Variants in C7orf78 observed in about 807,000 individuals in gnomAD.
The protein encoded by C7orf78 is putative uncharacterized protein C7orf78.
At chr7:12,536,644 G>A in the C7orf78 span, among the ~76,000 whole-genome samples, 1 of 152,104 alleles carries the variant, frequency 6.6e-6, no homozygotes, top group African/African-American at 2.4e-5. Flanking sequence ...CACATTGTCA[G>A]GCTGCAAATT....
chr7:12,511,725 C>T, the C7orf78 span, among the ~76,000 whole-genome samples: 1 of 151,746 alleles, frequency 6.6e-6, no homozygotes, highest in East Asian at 1.9e-4. Flanking sequence ...TGTCTTGTAA[C>T]TGAATTTGGT....
chr7:12,504,846 C>T, the C7orf78 span, among the ~76,000 whole-genome samples: 12 of 152,086 alleles, frequency 7.9e-5, no homozygotes, highest in Non-Finnish European at 1.6e-4. Context: ...ACTGTGATCA[C>T]GATAGCAGAT....
chr7:12,525,691 A>T, the C7orf78 span: 1 of 383,046 alleles, frequency 2.6e-6, no homozygotes, highest in Non-Finnish European at 4.6e-6. Context: ...CTACATTTGA[A>T]TGCCACAACA....
At chr7:12,493,581 CA>C in the C7orf78 span, among the ~76,000 whole-genome samples, 1 of 152,158 alleles carries the variant, frequency 6.6e-6, no homozygotes, top group Non-Finnish European at 1.5e-5. Context: ...TCTGGGGCCA[CA>C]CTTTGAGAAC....
At chr7:12,541,395 G>A in the C7orf78 span, 20 of 152,124 alleles carry the variant, frequency 1.3e-4, no homozygotes, top group African/African-American at 4.3e-4. Context: ...AAGGATGACT[G>A]TTATGCTGTG....
the C7orf78 span, among the ~76,000 whole-genome samples, chr7:12,525,220 AG>A: frequency 6.6e-6 from 1 of 152,228 alleles, no homozygotes; most frequent in Non-Finnish European, 1.5e-5. Context: ...TTTTGAGTAG[AG>A]ACCTTTGTGA....
the C7orf78 span, among the ~76,000 whole-genome samples, chr7:12,522,172 C>A: frequency 1.8e-4 from 27 of 152,006 alleles, no homozygotes; most frequent in Non-Finnish European, 4.0e-4. Flanking sequence ...AATTCTAGCA[C>A]AAGAGAAGGA....
the C7orf78 span, among the ~76,000 whole-genome samples, chr7:12,514,438 A>G: frequency 6.6e-6 from 1 of 151,764 alleles, no homozygotes; most frequent in Admixed American, 6.6e-5. Context: ...GTCTTTACAG[A>G]TAAGTTGAGT....
At chr7:12,497,318 T>C in the C7orf78 span, among the ~76,000 whole-genome samples, 2 of 152,076 alleles carry the variant, frequency 1.3e-5, no homozygotes, top group Non-Finnish European at 2.9e-5. Flanking sequence ...AGGTACCGGG[T>C]TCATCTCACT....
At chr7:12,534,854 T>C in the C7orf78 span, among the ~76,000 whole-genome samples, 1 of 152,022 alleles carries the variant, frequency 6.6e-6, no homozygotes, top group Non-Finnish European at 1.5e-5. Flanking sequence ...CACTAGAGGC[T>C]GAGGCGGGAG....
chr7:12,508,322 G>T, the C7orf78 span, among the ~76,000 whole-genome samples: 1 of 152,014 alleles, frequency 6.6e-6, no homozygotes, highest in African/African-American at 2.4e-5. Flanking sequence ...GCTTATTTTT[G>T]AGAAATGGCT....
At chr7:12,521,498 T>C in the C7orf78 span, among the ~76,000 whole-genome samples, 1 of 152,050 alleles carries the variant, frequency 6.6e-6, no homozygotes, top group Non-Finnish European at 1.5e-5. Flanking sequence ...TTTTGGTTAA[T>C]AAACTGCAAT....
the C7orf78 span, chr7:12,492,034 C>T: frequency 6.6e-6 from 1 of 152,134 alleles, no homozygotes. Context: ...CTATTTCTTT[C>T]CTTGATTTAG....
chr7:12,489,191 C>T, the C7orf78 span, among the ~76,000 whole-genome samples: 1 of 151,874 alleles, frequency 6.6e-6, no homozygotes, highest in African/African-American at 2.4e-5. Context: ...AAGATTACCC[C>T]AATAGTCAGT....
chr7:12,525,798 A>C, the C7orf78 span: 1 of 396,708 alleles, frequency 2.5e-6, no homozygotes, highest in Non-Finnish European at 4.4e-6. Flanking sequence ...ATAATATTGC[A>C]ATCTTTCCTT....
At chr7:12,533,837 A>G in the C7orf78 span, among the ~76,000 whole-genome samples, 1 of 152,160 alleles carries the variant, frequency 6.6e-6, no homozygotes, top group Non-Finnish European at 1.5e-5. Flanking sequence ...AAAGTTTCTT[A>G]TAGTGGTTAC....
At chr7:12,520,226 C>T in the C7orf78 span, among the ~76,000 whole-genome samples, 1 of 152,214 alleles carries the variant, frequency 6.6e-6, no homozygotes, top group South Asian at 2.1e-4. Context: ...GTGTTCTCTA[C>T]TAGATGTTTT....
the C7orf78 span, among the ~76,000 whole-genome samples, chr7:12,502,844 G>T: frequency 8.4e-6 from 1 of 119,632 alleles, no homozygotes. Context: ...AAATGTCCAA[G>T]AATGATAGAC....
the C7orf78 span, among the ~76,000 whole-genome samples, chr7:12,516,231 G>A: frequency 6.6e-6 from 1 of 152,212 alleles, no homozygotes; most frequent in Admixed American, 6.5e-5. Flanking sequence ...GGCTGTAAGG[G>A]GCCAATGTAG....
Sources: gnomAD v4.1 joint callset for allele counts (sites outside exome capture counted in the v4.1 genomes callset) on GRCh38, gnomAD v4.1.1 for gene constraint, MANE v1.5 for transcripts, NCBI Gene and HGNC (gene_info 2026-07-23, HGNC 2026-07-21) for gene names.